The following RFTN2 variants were observed in gnomAD, a reference collection of about 807,000 sequenced individuals.
RFTN2 encodes raftlin-2.
In RFTN2, 34 loss-of-function variants were observed where a neutral mutation model predicts 52.7. The ratio of observed to expected loss-of-function variants is 0.64; its 90% CI spans 0.49 to 0.86. The LOEUF (loss-of-function observed/expected upper bound fraction) is 0.86. Ranked by LOEUF, RFTN2 falls within the 40% of genes least tolerant of loss-of-function variation. The probability of loss-of-function intolerance (pLI) is 0.00; values close to 1 mark genes in which losing one functional copy is unlikely to be tolerated. For synonymous variants in RFTN2, 203 were observed against 217.7 expected (o/e 0.93, Z 0.59); for missense variants, 536 against 600.1 (o/e 0.89, Z 1.12).
At chr2:197,672,629 G>A (rs1446171152) in intron 1 of RFTN2, among the ~76,000 whole-genome samples, 1 of 152,112 alleles carries the variant, frequency 6.6e-6, no homozygotes, top group African/African-American at 2.4e-5. Flanking sequence ...TAGGTCCTTT[G>A]ATCCTTAAAA....
At chr2:197,665,517 C>CTTTTTTTT in intron 1 of RFTN2, among the ~76,000 whole-genome samples, 4 of 41,488 alleles carry the variant, frequency 9.6e-5, no homozygotes, top group Non-Finnish European at 1.8e-4. Flanking sequence ...TGTACCTTGC[C>CTTTTTTTT]TTTTTTTTTT....
intron 1 of RFTN2, among the ~76,000 whole-genome samples, chr2:197,675,006 T>C (rs1189046216): frequency 6.6e-6 from 1 of 152,206 alleles, no homozygotes; most frequent in Non-Finnish European, 1.5e-5. Flanking sequence ...ACTAAGGCTA[T>C]ATAGCTATTT....
rs1390157251 is a variant in RFTN2, at chr2:197,571,712, T to C, written c.*296A>G. ...CCTTACCAGGAATTGTAAGAAAGTC[T>C]ACTTTGTACATTCATGAGAAGCTGA... On this transcript the variant is annotated 3_prime_UTR_variant, in exon 9 of 9. Transcript: ENST00000295049. 1 of 345,278 alleles carries C rather than the reference T, an allele frequency of 2.9e-6. No individual in the cohort carries two copies. The highest frequency in any genetic ancestry group is 2.1e-5 in the African/African-American group (1 of 47,626). The allele number at this position is 345,278 out of a possible 1,614,324, so 21.4% of individuals were successfully genotyped here. A position where few individuals can be genotyped will look rare whatever the true frequency, so the allele number is the denominator to read the frequency against.
chr2:197,591,710 G>A (rs1331675797), intron 8 of RFTN2, among the ~76,000 whole-genome samples: 1 of 152,206 alleles, frequency 6.6e-6, no homozygotes, highest in Non-Finnish European at 1.5e-5. Context: ...CCGGCGGGGA[G>A]GCAGCTAAGA....
intron 5 of RFTN2, among the ~76,000 whole-genome samples, chr2:197,618,297 G>T (rs997879382): frequency 6.6e-6 from 1 of 152,030 alleles, no homozygotes; most frequent in African/African-American, 2.4e-5. Context: ...TGTGTTGGCC[G>T]GGCTGGTCTC....
At chr2:197,614,180 C>A (rs1237963721) in intron 7 of RFTN2, among the ~76,000 whole-genome samples, 1 of 152,198 alleles carries the variant, frequency 6.6e-6, no homozygotes, top group Non-Finnish European at 1.5e-5. Context: ...AACCAGCTCA[C>A]AAGATCCTTC....
chr2:197,572,321 T>A, intron 8 of RFTN2, 41 bp from the exon 9 acceptor site: 1 of 1,599,972 alleles, frequency 6.3e-7, no homozygotes, highest in Non-Finnish European at 8.6e-7. Context: ...GTTAAAAAGA[T>A]GGGTGTTTCC....
intron 2 of RFTN2, among the ~76,000 whole-genome samples, chr2:197,645,117 C>T (rs891595258): frequency 2.6e-5 from 4 of 152,194 alleles, no homozygotes; most frequent in Admixed American, 6.5e-5. Flanking sequence ...TACAGTCATG[C>T]ACTGCATAAT....
At chr2:197,612,357 G>T (rs2088077253) in intron 7 of RFTN2, among the ~76,000 whole-genome samples, 1 of 152,100 alleles carries the variant, frequency 6.6e-6, no homozygotes, top group Non-Finnish European at 1.5e-5. Flanking sequence ...ATTGCTTTGG[G>T]ATTCCTGTTA....
chr2:197,643,854 A>G (rs556513320), intron 3 of RFTN2, among the ~76,000 whole-genome samples: 1 of 152,228 alleles, frequency 6.6e-6, no homozygotes, highest in East Asian at 1.9e-4. Flanking sequence ...CTGCAGAACA[A>G]TTGCCTACTT....
chr2:197,616,274 A>ATTTATTTTATTT lies in RFTN2; in HGVS notation c.1051-296_1051-295insAAATAAAATAAA, dbSNP rs879732758. Among the ~76,000 whole-genome samples, 550 of 116,592 alleles carry ATTTATTTTATTT rather than the reference A, an allele frequency of 4.7e-3. 17 individuals are homozygous for ATTTATTTTATTT. The highest frequency in any genetic ancestry group is 0.015 in the African/African-American group (499 of 32,514). 76.5% of individuals were successfully genotyped at this position (116,592 alleles called of 152,430 possible). ...TTGGGGAGCTGGGAATCTGCATTTT[A>ATTTATTTTATTT]TTTTATTTTATTTTATTTTATTTTA... is the stretch of plus-strand genomic sequence containing the variant. On this transcript the variant is annotated intron_variant, in intron 6 of 8. Transcript: ENST00000295049.
rs2088753558 is a variant in RFTN2 at position 197,646,600 on chromosome 2, T to C, written c.206A>G (p.Tyr69Cys). Residue 69 changes from tyrosine to cysteine, a missense_variant, in exon 2 of 9, where the codon TAT becomes TGT. By Grantham distance (194) the Tyr-to-Cys change is radical. Coordinates refer to ENST00000295049, the MANE Select transcript of RFTN2 (RefSeq NM_144629.3). The stretch of plus-strand genomic sequence containing the variant: ...CCCGACAATATATCCTTTAAGATAA[T>C]AGTTTTCCACTTTTGTTACTATATC... ...ILDIVTKVEN[Y>C]YLKGYIVGAI... 2.5e-6 allele frequency: 4 copies of C among 1,612,968 alleles called. No homozygotes were observed. The highest frequency in any genetic ancestry group is 3.4e-6 in the Non-Finnish European group (4 of 1,179,042).
chr2:197,583,628 T>C (rs1438581355), intron 8 of RFTN2, among the ~76,000 whole-genome samples: 1 of 151,966 alleles, frequency 6.6e-6, no homozygotes, highest in Non-Finnish European at 1.5e-5. Flanking sequence ...GTACTTCTTT[T>C]TTTTTTTTTT....
chr2:197,615,797 T>C (rs2088131566), intron 7 of RFTN2, 79 bp downstream of exon 7: 7 of 743,916 alleles, frequency 9.4e-6, no homozygotes, highest in South Asian at 8.6e-5. Context: ...TAAACAAATA[T>C]TTGTTGAATT....
At chr2:197,634,977 A>C (rs1336798881) in intron 3 of RFTN2, among the ~76,000 whole-genome samples, 1 of 114,696 alleles carries the variant, frequency 8.7e-6, no homozygotes, top group Non-Finnish European at 1.9e-5. Flanking sequence ...ATGAGTGAGA[A>C]TATGCGGTGT....
intron 7 of RFTN2, among the ~76,000 whole-genome samples, chr2:197,599,080 T>C (rs2087837725): frequency 6.6e-6 from 1 of 151,732 alleles, no homozygotes; most frequent in Admixed American, 6.6e-5. Flanking sequence ...GCCTCCCGAG[T>C]AGCTGGGACT....
chr2:197,648,371 T>C (rs1477680070), intron 1 of RFTN2, among the ~76,000 whole-genome samples: 1 of 152,252 alleles, frequency 6.6e-6, no homozygotes, highest in African/African-American at 2.4e-5. Flanking sequence ...ATCTTCTTCA[T>C]CATTATGAAT....
intron 3 of RFTN2, among the ~76,000 whole-genome samples, chr2:197,637,067 G>A (rs2088579784): frequency 6.6e-6 from 1 of 150,562 alleles, no homozygotes; most frequent in Non-Finnish European, 1.5e-5. Context: ...TATTGAACCA[G>A]CCTTGCATCC....
rs1048169876 is a variant in RFTN2 at position 197,570,727 on chromosome 2, C to T, written c.*1281G>A. The T allele has an allele frequency of 2.6e-5, 4 of 152,048 alleles. No homozygotes were observed. Among genetic ancestry groups the T allele is most frequent in the African/African-American group, 9.7e-5 (4 of 41,394 alleles). 9.4% of individuals were successfully genotyped at this position (152,048 alleles called of 1,614,324 possible). A position where few individuals can be genotyped will look rare whatever the true frequency, so the allele number is the denominator to read the frequency against. On this transcript the variant is annotated 3_prime_UTR_variant, in exon 9 of 9. Coordinates refer to ENST00000295049, the MANE Select transcript of RFTN2 (RefSeq NM_144629.3). ...CCTGGGTGACAGAGTGAGACTCCGT[C>T]TCAAAAAAAGCCACAAAAAACCCCC...
Sources: allele counts gnomAD v4.1 joint callset (sites outside exome capture counted in the v4.1 genomes callset), GRCh38; gene constraint gnomAD v4.1.1; transcripts MANE v1.5; gene names NCBI Gene and HGNC (gene_info 2026-07-23, HGNC 2026-07-21).